Variants in ADAM32 observed in about 807,000 individuals in gnomAD.
The protein encoded by ADAM32 is disintegrin and metalloproteinase domain-containing protein 32.
In ADAM32, 89 loss-of-function variants were observed where a neutral mutation model predicts 114.9. The ratio of observed to expected loss-of-function variants is 0.77; its 90% CI spans 0.65 to 0.92. The LOEUF (loss-of-function observed/expected upper bound fraction) is 0.92. Among genes scored for constraint, ADAM32 ranks in the 40% least tolerant of loss-of-function variants. The pLI is 0.00. For synonymous variants in ADAM32, 285 were observed against 307.5 expected, an observed-to-expected ratio of 0.93 and a Z score of 0.77; for missense variants, 870 against 932.8, an observed-to-expected ratio of 0.93 and a Z score of 0.88.
At chr8:39,238,593 G>A (rs1001914716) in intron 16 of ADAM32, among the ~76,000 whole-genome samples, 1 of 152,162 alleles carries the variant, frequency 6.6e-6, no homozygotes, top group Non-Finnish European at 1.5e-5. Context: ...TTTCTGAACT[G>A]TCAGTAAAAG....
intron 2 of ADAM32, chr8:39,130,751 A>G (rs1802394144): frequency 2.8e-6 from 1 of 360,548 alleles, no homozygotes; most frequent in South Asian, 2.1e-5. Context: ...GAAGCAAAAA[A>G]TGTACTTTTG....
At chr8:39,130,228 A>G (rs1588484357) in intron 2 of ADAM32, 1 of 153,802 alleles carries the variant, frequency 6.5e-6, no homozygotes, top group Admixed American at 6.5e-5. Context: ...AATACTTTAA[A>G]TTTCTAAGGG....
intron 6 of ADAM32, among the ~76,000 whole-genome samples, chr8:39,159,756 G>C (rs1804369565): frequency 6.6e-6 from 1 of 152,168 alleles, no homozygotes; most frequent in Non-Finnish European, 1.5e-5. Context: ...AAAACCTTTA[G>C]GGAGCCACTG....
intron 4 of ADAM32, among the ~76,000 whole-genome samples, chr8:39,147,563 A>G (rs1355166381): frequency 6.6e-6 from 1 of 151,964 alleles, no homozygotes; most frequent in Non-Finnish European, 1.5e-5. Flanking sequence ...ACTCTTCCTC[A>G]TCTCATCCAT....
At position 39,222,096 on chromosome 8, in the gene ADAM32, A is replaced by C. The variant is rs538988781; in HGVS notation, c.1326+394A>C. 7.3e-4 allele frequency among the ~76,000 whole-genome samples: 111 copies of C among 152,200 alleles called. 1 individual carries two copies. Among genetic ancestry groups the C allele is most frequent in the African/African-American group, 2.6e-3 (109 of 41,586 alleles). On this transcript the variant is annotated intron_variant, in intron 13 of 24. Transcript: ENST00000379907. ...TATAGCAGATTTCCTTAAATGTATA[A>C]GGAAGGAAACTCACTAGAAGTAACA...
chr8:39,278,172 G>T (rs1813207658), intron 22 of ADAM32, among the ~76,000 whole-genome samples: 1 of 152,130 alleles, frequency 6.6e-6, no homozygotes, highest in Admixed American at 6.5e-5. Context: ...CCATCAAGCT[G>T]TCCCTCTGAA....
At chr8:39,115,068 A>G (rs1244450823) in intron 1 of ADAM32, among the ~76,000 whole-genome samples, 1 of 152,212 alleles carries the variant, frequency 6.6e-6, no homozygotes, top group Non-Finnish European at 1.5e-5. Flanking sequence ...TTATGGCTGT[A>G]TAGTATTCCA....
At chr8:39,149,550 C>T (rs1226368161) in intron 4 of ADAM32, among the ~76,000 whole-genome samples, 1 of 152,098 alleles carries the variant, frequency 6.6e-6, no homozygotes, top group East Asian at 1.9e-4. Context: ...CATGAGACAA[C>T]ATTTTGGAAG....
At chr8:39,251,634 T>C (rs1424471048) in intron 17 of ADAM32, among the ~76,000 whole-genome samples, 2 of 152,016 alleles carry the variant, frequency 1.3e-5, no homozygotes, top group Admixed American at 6.6e-5. Context: ...GTCAGATGGA[T>C]AGTTTGGAAA....
At chr8:39,115,490 A>T (rs1048408145) in intron 1 of ADAM32, among the ~76,000 whole-genome samples, 1 of 151,740 alleles carries the variant, frequency 6.6e-6, no homozygotes, top group Non-Finnish European at 1.5e-5. Flanking sequence ...TGTTGTTTTG[A>T]CTTTCATTTT....
At chr8:39,210,109 T>G (rs935971136) in intron 11 of ADAM32, among the ~76,000 whole-genome samples, 15 of 152,166 alleles carry the variant, frequency 9.9e-5, no homozygotes, top group African/African-American at 3.1e-4. Flanking sequence ...TGAATTTTCT[T>G]CTTAGCTGGG....
intron 11 of ADAM32, among the ~76,000 whole-genome samples, chr8:39,188,385 C>A (rs538911347): frequency 6.6e-6 from 1 of 151,938 alleles, no homozygotes; most frequent in South Asian, 2.1e-4. Context: ...GTCTGTCTGT[C>A]TGTCTATCTA....
chr8:39,223,318 ATATAAAATGTGGAATGTTTTATATAG>A, intron 14 of ADAM32, 80 bp downstream of exon 14: 2 of 945,424 alleles, frequency 2.1e-6, no homozygotes, highest in East Asian at 3.1e-5. Flanking sequence ...ATTTTCATAT[ATATAAAATGTGGAATGTTTTATATAG>A]TATAAAATGT....
chr8:39,233,059 C>A (rs1218444614), intron 15 of ADAM32, among the ~76,000 whole-genome samples: 3 of 152,116 alleles, frequency 2.0e-5, no homozygotes, highest in Non-Finnish European at 4.4e-5. Context: ...AGTAACAGAT[C>A]TCTAGTATTG....
At chr8:39,158,525 G>A (rs945234332) in intron 6 of ADAM32, 2 of 326,926 alleles carry the variant, frequency 6.1e-6, no homozygotes, top group African/African-American at 2.3e-5. Flanking sequence ...TAGCCGGCCA[G>A]CTTCCCACAC....
intron 2 of ADAM32, among the ~76,000 whole-genome samples, chr8:39,127,174 C>T (rs534762675): frequency 5.4e-4 from 82 of 152,120 alleles, no homozygotes; most frequent in Non-Finnish European, 9.9e-4. Flanking sequence ...CAGGATGATA[C>T]TGGCCTCATA....
intron 2 of ADAM32, among the ~76,000 whole-genome samples, chr8:39,126,922 A>G (rs1242570961): frequency 6.6e-6 from 1 of 152,174 alleles, no homozygotes; most frequent in South Asian, 2.1e-4. Flanking sequence ...ATCTATTGAG[A>G]TAATCATGTG....
chr8:39,252,300 G>T (rs1324484293), intron 17 of ADAM32, among the ~76,000 whole-genome samples: 1 of 150,982 alleles, frequency 6.6e-6, no homozygotes, highest in Non-Finnish European at 1.5e-5. Context: ...TTAAAAGAAA[G>T]TGGGAAAACT....
intron 2 of ADAM32, among the ~76,000 whole-genome samples, chr8:39,120,630 C>A (rs1429475946): frequency 6.6e-6 from 1 of 151,858 alleles, no homozygotes; most frequent in African/African-American, 2.4e-5. Flanking sequence ...GACGTGGTGG[C>A]AGGCACCTGT....
Sources: allele counts gnomAD v4.1 joint callset (sites outside exome capture counted in the v4.1 genomes callset), GRCh38; gene constraint gnomAD v4.1.1; transcripts MANE v1.5; gene names NCBI Gene and HGNC (gene_info 2026-07-23, HGNC 2026-07-21).